The following XIRP2 variants were observed in gnomAD, a reference collection of about 807,000 sequenced individuals.
The protein encoded by XIRP2 is xin actin-binding repeat-containing protein 2.
A neutral mutation model predicts 277.0 loss-of-function variants in XIRP2; 236 were observed. The ratio of observed to expected loss-of-function variants is 0.85; its 90% CI spans 0.77 to 0.95. The LOEUF is 0.95. Ranked by LOEUF, XIRP2 falls within the 40% of genes least tolerant of loss-of-function variation. XIRP2 has a pLI of 0.00. For synonymous variants in XIRP2, 1,490 were observed against 1,416.5 expected (o/e 1.05, Z -1.17); for missense variants, 4,640 against 4,157.5 (o/e 1.12, Z -3.19).
At chr2:167,074,486 T>C (rs1689510345) in intron 2 of XIRP2, among the ~76,000 whole-genome samples, 1 of 152,162 alleles carries the variant, frequency 6.6e-6, no homozygotes, top group Non-Finnish European at 1.5e-5. Context: ...TTAAAAATAA[T>C]CACAAATTAT....
At chr2:167,053,907 C>T (rs1313349438) in intron 2 of XIRP2, among the ~76,000 whole-genome samples, 1 of 151,966 alleles carries the variant, frequency 6.6e-6, no homozygotes, top group African/African-American at 2.4e-5. Flanking sequence ...TGAGAAGATG[C>T]AAAAAAATTG....
intron 1 of XIRP2, 75 bp from the exon 2 acceptor site, chr2:166,903,390 C>T: frequency 7.0e-7 from 1 of 1,431,792 alleles, no homozygotes; most frequent in Non-Finnish European, 9.4e-7. Flanking sequence ...AGCTGGTGCT[C>T]CTAGAGTATT....
chr2:167,075,103 A>G (rs1689527256), intron 2 of XIRP2, among the ~76,000 whole-genome samples: 1 of 152,246 alleles, frequency 6.6e-6, no homozygotes, highest in African/African-American at 2.4e-5. Context: ...GATTTACTCA[A>G]CATAAATCTC....
intron 1 of XIRP2, among the ~76,000 whole-genome samples, chr2:166,890,447 G>C (rs1425332642): frequency 2.6e-5 from 4 of 152,136 alleles, no homozygotes; most frequent in African/African-American, 9.7e-5. Context: ...CAGTGCTAAG[G>C]ACATCTCAGA....
In XIRP2 at chr2:167,247,164, A is replaced by G; in HGVS notation, c.5772A>G (p.Thr1924=). Residue 1924 remains threonine (T), a synonymous_variant, in exon 9 of 11, where the codon ACA becomes ACG. Coordinates refer to ENST00000409195, the MANE Select transcript of XIRP2 (RefSeq NM_152381.6). ...AGCTTCTCAAAGATGACCTGGAAAC[A>G]TCACTAAGGTCTTTGAAAGAAGCAC... ...KKELLKDDLE[T]SLRSLKEAQR... 1 of 1,613,640 alleles carries G rather than the reference A, an allele frequency of 6.2e-7. No homozygotes were observed. Among genetic ancestry groups the G allele is most frequent in the Non-Finnish European group, 8.5e-7 (1 of 1,179,772 alleles).
At chr2:166,933,341 G>A (rs530605008) in intron 2 of XIRP2, among the ~76,000 whole-genome samples, 2 of 151,718 alleles carry the variant, frequency 1.3e-5, no homozygotes, top group Non-Finnish European at 2.9e-5. Flanking sequence ...GTAGAGATGG[G>A]GTTTTGCCGT....
At position 167,259,571 on chromosome 2, in the gene XIRP2, G is replaced by T; in HGVS notation, c.*1754G>T. 2.0e-6 allele frequency: 1 copy of T among 490,698 alleles called. No homozygotes were observed. The allele number at this position is 490,698 out of a possible 1,614,324, so 30.4% of individuals were successfully genotyped here. ...TTTACATCTACTTTTGTTTGAACTG[G>T]AATGAAGAGATGAAACACTATGGAT... On this transcript the variant is annotated 3_prime_UTR_variant, in exon 11 of 11. Transcript: ENST00000409195.
chr2:167,027,203 C>T (rs1452441031), intron 2 of XIRP2, among the ~76,000 whole-genome samples: 1 of 152,052 alleles, frequency 6.6e-6, no homozygotes, highest in African/African-American at 2.4e-5. Flanking sequence ...TTGTTCATTT[C>T]TTTTTATTCT....
At chr2:166,999,180 A>G (rs1264033148) in intron 2 of XIRP2, among the ~76,000 whole-genome samples, 3 of 152,166 alleles carry the variant, frequency 2.0e-5, no homozygotes, top group Admixed American at 1.3e-4. Context: ...TAATATATTT[A>G]TATGCCAAGA....
At chr2:166,895,599 CT>C (rs138589924) in intron 1 of XIRP2, among the ~76,000 whole-genome samples, 31,674 of 152,128 alleles carry the variant, frequency 0.21, 3,974 homozygotes, top group Admixed American at 0.28. Context: ...AGCAGGGTCA[CT>C]GCCTGCCACC....
At chr2:167,011,645 T>C (rs1364120235) in intron 2 of XIRP2, among the ~76,000 whole-genome samples, 2 of 151,582 alleles carry the variant, frequency 1.3e-5, no homozygotes, top group Non-Finnish European at 2.9e-5. Context: ...TCAGAAGGAA[T>C]GGTACCAGTT....
chr2:167,107,003 T>A (rs1402524257), intron 2 of XIRP2, among the ~76,000 whole-genome samples: 1 of 151,334 alleles, frequency 6.6e-6, no homozygotes, highest in Non-Finnish European at 1.5e-5. Flanking sequence ...ATTTTATATT[T>A]ATAATTTATA....
intron 2 of XIRP2, among the ~76,000 whole-genome samples, chr2:166,925,127 A>G (rs894577116): frequency 3.3e-5 from 5 of 152,052 alleles, no homozygotes; most frequent in African/African-American, 1.2e-4. Context: ...TATTTATCAA[A>G]AGTCATGTCA....
intron 2 of XIRP2, among the ~76,000 whole-genome samples, chr2:166,968,214 T>C (rs974827181): frequency 6.6e-6 from 1 of 151,864 alleles, no homozygotes; most frequent in Non-Finnish European, 1.5e-5. Context: ...AGTGATGACA[T>C]GGAGGGCATG....
At chr2:167,235,737 T>C (rs544843898) in intron 5 of XIRP2, among the ~76,000 whole-genome samples, 8 of 151,950 alleles carry the variant, frequency 5.3e-5, no homozygotes, top group Non-Finnish European at 1.2e-4. Context: ...GAGGGTATAA[T>C]GAATGTGGAA....
chr2:167,187,101 G>A (rs769165666), intron 3 of XIRP2, among the ~76,000 whole-genome samples: 14 of 151,934 alleles, frequency 9.2e-5, no homozygotes, highest in Non-Finnish European at 1.6e-4. Context: ...TTTCCTCATC[G>A]GCACTGGTTC....
At chr2:166,975,464 G>A (rs1246573880) in intron 2 of XIRP2, among the ~76,000 whole-genome samples, 2 of 152,040 alleles carry the variant, frequency 1.3e-5, no homozygotes, top group Non-Finnish European at 2.9e-5. Context: ...CCTCCAGCCT[G>A]GCGATAGAGC....
chr2:166,916,849 C>T (rs996666308), intron 2 of XIRP2, among the ~76,000 whole-genome samples: 2 of 152,086 alleles, frequency 1.3e-5, no homozygotes, highest in Admixed American at 6.6e-5. Context: ...ACTCATTAAT[C>T]CTTAGTTTTC....
At chr2:167,166,432 C>T (rs1692521669) in intron 3 of XIRP2, among the ~76,000 whole-genome samples, 1 of 152,042 alleles carries the variant, frequency 6.6e-6, no homozygotes, top group South Asian at 2.1e-4. Context: ...GTGTATTGTG[C>T]TATTTTTGCA....
Sources: allele counts gnomAD v4.1 joint callset (sites outside exome capture counted in the v4.1 genomes callset), GRCh38; gene constraint gnomAD v4.1.1; transcripts MANE v1.5; gene names NCBI Gene and HGNC (gene_info 2026-07-23, HGNC 2026-07-21).